The following MAP3K13 variants were observed in gnomAD, a reference collection of about 807,000 sequenced individuals.
The protein encoded by MAP3K13 is mitogen-activated protein kinase kinase kinase 13, also known as leucine zipper-bearing kinase.
A neutral mutation model predicts 104.0 loss-of-function variants in MAP3K13; 52 were observed. That is an observed-to-expected ratio of 0.50 (90% confidence interval 0.40 to 0.63). The LOEUF (loss-of-function observed/expected upper bound fraction) is 0.63. Among genes scored for constraint, MAP3K13 ranks in the 20% least tolerant of loss-of-function variants. The pLI, the probability that MAP3K13 is intolerant of heterozygous loss-of-function variation, is 0.00. For synonymous variants in MAP3K13, 394 were observed against 442.2 expected (o/e 0.89, Z 1.37); for missense variants, 914 against 1,218.5 (o/e 0.75, Z 3.72).
intron 10 of MAP3K13, among the ~76,000 whole-genome samples, chr3:185,467,768 C>T (rs1219167318): frequency 2.2e-5 from 3 of 139,214 alleles, no homozygotes; most frequent in African/African-American, 8.3e-5. Flanking sequence ...GGTGACAGAG[C>T]GAGACTCTGT....
At position 185,473,308 on chromosome 3, in the gene MAP3K13, C is replaced by T. The variant is rs150427698; in HGVS notation, c.1977C>T (p.His659=). 14 of 1,614,222 alleles carry T rather than the reference C, an allele frequency of 8.7e-6. No homozygotes were observed. The highest frequency in any genetic ancestry group is 1.3e-5 in the African/African-American group (1 of 75,050). The change falls in exon 11 of 14, where the codon CAC becomes CAT. Residue 659 remains histidine (H), a synonymous_variant. Coordinates refer to ENST00000265026, the MANE Select transcript of MAP3K13 (RefSeq NM_004721.5). The surrounding 1 kb of genome is among the most constrained non-coding windows in gnomAD (Gnocchi z 4.9). ...GTCACCATCCCAGACTCAATATGCA[C>T]GGACAGGACATAGCAACCTGCGCCA... ...SQSHHPRLNM[H]GQDIATCANN... is the part of the protein sequence containing the mutation.
At chr3:185,374,760 T>G (rs1028488355) in intron 1 of MAP3K13, among the ~76,000 whole-genome samples, 1 of 126,486 alleles carries the variant, frequency 7.9e-6, no homozygotes, top group Non-Finnish European at 1.7e-5. Flanking sequence ...AGAGTCCCCC[T>G]TTTTTTTTAG....
intron 1 of MAP3K13, among the ~76,000 whole-genome samples, chr3:185,387,699 C>G (rs917992143): frequency 1.4e-4 from 22 of 152,166 alleles, no homozygotes; most frequent in African/African-American, 4.1e-4. Flanking sequence ...ATGAGAGAAA[C>G]TCACAGCTAT....
At position 185,453,982 on chromosome 3, in the gene MAP3K13, G is replaced by T. The variant is rs190865077; in HGVS notation, c.1278+2587G>T. Among the ~76,000 whole-genome samples, 206 of 33,732 alleles carry T rather than the reference G, an allele frequency of 6.1e-3. 8 individuals are homozygous for T. Among genetic ancestry groups the T allele is most frequent in the African/African-American group, 0.016 (198 of 12,570 alleles). 22.1% of individuals were successfully genotyped at this position (33,732 alleles called of 152,430 possible). A position where few individuals can be genotyped will look rare whatever the true frequency, so the allele number is the denominator to read the frequency against. On this transcript the variant is annotated intron_variant, in intron 7 of 13. Coordinates refer to ENST00000265026, the MANE Select transcript of MAP3K13 (RefSeq NM_004721.5). ...AGATATATATGATACATATATATGA[G>T]ATATATATATGATACATATATATGA...
chr3:185,420,202 G>GTTGTTTTTTTTTTTTTTTTTT (rs1714037366), intron 1 of MAP3K13, among the ~76,000 whole-genome samples: 1 of 152,064 alleles, frequency 6.6e-6, no homozygotes, highest in African/African-American at 2.4e-5. Flanking sequence ...GTCGATTTGA[G>GTTGTTTTTTTTTTTTTTTTTT]TTTTTATTGT....
intron 1 of MAP3K13, among the ~76,000 whole-genome samples, chr3:185,399,191 T>C (rs1712610114): frequency 6.6e-6 from 1 of 151,838 alleles, no homozygotes; most frequent in African/African-American, 2.4e-5. Flanking sequence ...TTAGTGTTAG[T>C]GAGGGGAGGA....
At chr3:185,324,433 C>T (rs530676331) in intron 2 of MAP3K13, among the ~76,000 whole-genome samples, 167 of 152,208 alleles carry the variant, frequency 1.1e-3, no homozygotes, top group African/African-American at 3.8e-3. Flanking sequence ...TTTATTTTCT[C>T]GCTTTAAAAT....
At chr3:185,411,781 C>CTT (rs67723912) in intron 1 of MAP3K13, among the ~76,000 whole-genome samples, 25 of 94,012 alleles carry the variant, frequency 2.7e-4, no homozygotes, top group Middle Eastern at 5.1e-3. Flanking sequence ...GCAGTTATGT[C>CTT]TTTTTTTTTT....
At chr3:185,300,902 T>G (rs73052854) in intron 2 of MAP3K13, among the ~76,000 whole-genome samples, 182 of 152,366 alleles carry the variant, frequency 1.2e-3, no homozygotes, top group African/African-American at 4.1e-3. Flanking sequence ...AATACTGCAA[T>G]GAACATGAGC....
intron 2 of MAP3K13, among the ~76,000 whole-genome samples, chr3:185,297,122 T>C (rs1173498060): frequency 6.6e-6 from 1 of 152,168 alleles, no homozygotes; most frequent in African/African-American, 2.4e-5. Context: ...TATAAGACAT[T>C]GTGCAGTTAC....
intron 1 of MAP3K13, among the ~76,000 whole-genome samples, chr3:185,389,843 G>A (rs1483732832): frequency 5.9e-5 from 9 of 152,020 alleles, no homozygotes; most frequent in African/African-American, 2.2e-4. Context: ...CTATCATACA[G>A]TAACATAAAG....
At chr3:185,346,099 A>G (rs1414017542) in intron 2 of MAP3K13, among the ~76,000 whole-genome samples, 1 of 152,252 alleles carries the variant, frequency 6.6e-6, no homozygotes. Context: ...ACTGTGTTAT[A>G]CAAGAGATCT....
intron 1 of MAP3K13, among the ~76,000 whole-genome samples, chr3:185,420,818 T>C (rs2108795498): frequency 6.6e-6 from 1 of 152,356 alleles, no homozygotes; most frequent in East Asian, 1.9e-4. Flanking sequence ...AATCCAAGAA[T>C]TTAAGGGCCA....
upstream of MAP3K13, among the ~76,000 whole-genome samples, chr3:185,358,463 A>G (rs1723471444): frequency 6.6e-6 from 1 of 152,216 alleles, no homozygotes; most frequent in Non-Finnish European, 1.5e-5. Flanking sequence ...ACAACACTCA[A>G]TGATAGTTAT....
Position 185,437,436 on chromosome 3 carries a change from T to C in MAP3K13, c.476-11T>C, listed in dbSNP as rs143639384. On this transcript the variant is annotated splice_polypyrimidine_tract_variant and intron_variant, in intron 2 of 13. Transcript: ENST00000265026. ...GATCTCTTCAAGCTTATTTCTTGCTTGTGTGCCTAGATACTTGGGAAGTGC... is the reference window on the plus strand; with the variant it reads ...GATCTCTTCAAGCTTATTTCTTGCTCGTGTGCCTAGATACTTGGGAAGTGC... 172 of 1,611,242 alleles carry C rather than the reference T, an allele frequency of 1.1e-4. 1 individual carries two copies. The African/African-American group carries it at 2.1e-3, about 20-fold the overall frequency.
intron 1 of MAP3K13, among the ~76,000 whole-genome samples, chr3:185,370,900 C>A (rs1724129667): frequency 6.6e-6 from 1 of 152,124 alleles, no homozygotes; most frequent in South Asian, 2.1e-4. Context: ...CAAAATTCAT[C>A]CTATTACCTC....
chr3:185,326,428 C>T (rs574987802), intron 2 of MAP3K13, among the ~76,000 whole-genome samples: 58 of 152,260 alleles, frequency 3.8e-4, no homozygotes, highest in African/African-American at 1.3e-3. Flanking sequence ...GATCCAGACA[C>T]GAATCTTAGC....
chr3:185,290,043 T>G (rs1720673985), intron 2 of MAP3K13, among the ~76,000 whole-genome samples: 1 of 152,210 alleles, frequency 6.6e-6, no homozygotes, highest in Non-Finnish European at 1.5e-5. Context: ...TGAAGGTTAA[T>G]GTATATAAAG....
At chr3:185,395,170 C>T (rs1712305620) in intron 1 of MAP3K13, among the ~76,000 whole-genome samples, 3 of 151,816 alleles carry the variant, frequency 2.0e-5, no homozygotes, top group Non-Finnish European at 2.9e-5. Flanking sequence ...TCATGAGTTT[C>T]AAATACTTTG....
Sources: gnomAD v4.1 joint callset for allele counts (sites outside exome capture counted in the v4.1 genomes callset) on GRCh38, gnomAD v4.1.1 for gene constraint, Gnocchi (gnomAD v3.1) non-coding constraint, MANE v1.5 for transcripts, NCBI Gene and HGNC (gene_info 2026-07-23, HGNC 2026-07-21) for gene names.